CALN1: variants seen among roughly 807,000 people sequenced by gnomAD.
CALN1 encodes the protein calneuron 1.
Under a neutral mutation model 30.6 loss-of-function variants are expected in CALN1, and 17 were observed. The observed-to-expected ratio is 0.56, with a 90% CI of 0.38 to 0.83. The LOEUF is 0.83. Ranked by LOEUF, CALN1 falls within the 40% of genes least tolerant of loss-of-function variation. CALN1 has a pLI of 0.00. For synonymous variants in CALN1, 156 were observed against 131.4 expected, an observed-to-expected ratio of 1.19 and a Z score of -1.28; for missense variants, 291 against 354.9, an observed-to-expected ratio of 0.82 and a Z score of 1.45.
At chr7:72,183,801 G>C (rs1010309341) in intron 3 of CALN1, among the ~76,000 whole-genome samples, 2 of 152,090 alleles carry the variant, frequency 1.3e-5, no homozygotes, top group African/African-American at 2.4e-5. Flanking sequence ...AGTAAATTAT[G>C]AATGTCCAGT....
Position 71,787,667 on chromosome 7 carries a change from A to T in CALN1, c.*108T>A. On this transcript the variant is annotated 3_prime_UTR_variant, in exon 7 of 7. Coordinates refer to ENST00000395275, the MANE Select transcript of CALN1 (RefSeq NM_031468.4). ...TTTACTGAACGGTTCCATCGTCCGC[A>T]TCCATCCATAGTCCATAGGTCCGTG... 1 of 1,477,374 alleles carries T rather than the reference A, an allele frequency of 6.8e-7. No homozygotes were observed. The highest frequency in any genetic ancestry group is 2.4e-5 in the East Asian group (1 of 42,500). The allele number at this position is 1,477,374 out of a possible 1,614,324, so 91.5% of individuals were successfully genotyped here.
intron 2 of CALN1, among the ~76,000 whole-genome samples, chr7:72,293,814 C>T (rs943050503): frequency 6.6e-6 from 1 of 151,978 alleles, no homozygotes. Flanking sequence ...TACAGTTTAC[C>T]GGCCAGGCAC....
intron 2 of CALN1, among the ~76,000 whole-genome samples, chr7:72,379,482 T>C (rs558912744): frequency 6.6e-6 from 1 of 152,342 alleles, no homozygotes; most frequent in South Asian, 2.1e-4. Context: ...ACCAGAAAAG[T>C]CACTCAACCT....
intron 5 of CALN1, among the ~76,000 whole-genome samples, chr7:71,870,726 A>C (rs1791873645): frequency 6.6e-6 from 1 of 152,208 alleles, no homozygotes; most frequent in South Asian, 2.1e-4. Flanking sequence ...ACTGAGGAGG[A>C]AAATGGATCA....
At chr7:72,008,806 C>T (rs1049379594) in intron 5 of CALN1, among the ~76,000 whole-genome samples, 1 of 151,936 alleles carries the variant, frequency 6.6e-6, no homozygotes, top group African/African-American at 2.4e-5. Context: ...CAGGTGCCCG[C>T]CACCACGCCC....
intron 3 of CALN1, among the ~76,000 whole-genome samples, chr7:72,139,162 G>A (rs947816955): frequency 1.3e-5 from 2 of 152,144 alleles, no homozygotes; most frequent in Admixed American, 6.5e-5. Flanking sequence ...TCCACACCAG[G>A]CCAGAGCCCA....
chr7:71,959,364 G>T (rs1046989345), intron 5 of CALN1, among the ~76,000 whole-genome samples: 1 of 152,188 alleles, frequency 6.6e-6, no homozygotes, highest in Non-Finnish European at 1.5e-5. Context: ...CAGGATTGGA[G>T]AATCCAGACT....
intron 3 of CALN1, among the ~76,000 whole-genome samples, chr7:72,219,585 T>C (rs1793106868): frequency 6.6e-6 from 1 of 152,066 alleles, no homozygotes; most frequent in Admixed American, 6.6e-5. Context: ...AGGTGCAACA[T>C]GTAGTACTCC....
chr7:72,405,117 G>A (rs777615721), intron 1 of CALN1, among the ~76,000 whole-genome samples: 4 of 152,104 alleles, frequency 2.6e-5, no homozygotes, highest in Non-Finnish European at 4.4e-5. Context: ...GGAATGATGA[G>A]ATACGACAGG....
chr7:72,307,166 A>T (rs1799712125), intron 2 of CALN1, among the ~76,000 whole-genome samples: 2 of 152,136 alleles, frequency 1.3e-5, no homozygotes, highest in South Asian at 4.1e-4. Flanking sequence ...CTTTTAAGAG[A>T]TTCAAGCAGA....
rs577889894 is a variant in CALN1 at position 72,221,846 on chromosome 7, G to A, written c.244+56840C>T. Among the ~76,000 whole-genome samples, 4 of 151,856 alleles carry A rather than the reference G, an allele frequency of 2.6e-5. No individual in the cohort carries two copies. In the East Asian group the frequency reaches 7.9e-4, roughly 30 times the overall value. ...GGAGGTTGCAGTGAGCTGAGATCGT[G>A]CCACTGCACTCCAGCCTGGGTGACA... On this transcript the variant is annotated intron_variant, in intron 3 of 6. Coordinates refer to ENST00000395275, the MANE Select transcript of CALN1 (RefSeq NM_031468.4).
At chr7:72,028,514 A>C (rs1050373704) in intron 4 of CALN1, among the ~76,000 whole-genome samples, 3 of 152,210 alleles carry the variant, frequency 2.0e-5, no homozygotes, top group East Asian at 1.9e-4. Context: ...GCCAGAGAAG[A>C]AGCGATGGAG....
chr7:71,885,920 T>C (rs1356569521), intron 5 of CALN1, among the ~76,000 whole-genome samples: 1 of 152,178 alleles, frequency 6.6e-6, no homozygotes, highest in Non-Finnish European at 1.5e-5. Flanking sequence ...AAGTAACAAA[T>C]TCATTTCCGT....
At chr7:72,338,202 C>T (rs1422849065) in intron 2 of CALN1, among the ~76,000 whole-genome samples, 1 of 152,120 alleles carries the variant, frequency 6.6e-6, no homozygotes, top group Non-Finnish European at 1.5e-5. Flanking sequence ...ACAAACCTGG[C>T]CAAAGCAGGC....
intron 5 of CALN1, among the ~76,000 whole-genome samples, chr7:71,814,050 C>T (rs1024481443): frequency 1.3e-5 from 2 of 151,434 alleles, no homozygotes; most frequent in South Asian, 2.1e-4. Context: ...AGAGTAAGTA[C>T]AAGAATAGTG....
At chr7:71,925,142 G>A (rs1312660792) in intron 5 of CALN1, among the ~76,000 whole-genome samples, 1 of 152,132 alleles carries the variant, frequency 6.6e-6, no homozygotes, top group East Asian at 1.9e-4. Context: ...TCGGGAAGCT[G>A]AAGCAGGAGG....
chr7:71,840,476 T>C (rs1454408221), intron 5 of CALN1, among the ~76,000 whole-genome samples: 2 of 108,688 alleles, frequency 1.8e-5, no homozygotes, highest in Admixed American at 1.4e-4. Context: ...CACAGTAAGA[T>C]GCTCTCTTTA....
chr7:71,998,340 G>T (rs914169493), intron 5 of CALN1, among the ~76,000 whole-genome samples: 1 of 151,972 alleles, frequency 6.6e-6, no homozygotes, highest in Non-Finnish European at 1.5e-5. Context: ...AGCAATCTGG[G>T]TACATACAAT....
chr7:72,455,096 G>T, the CALN1 span, among the ~76,000 whole-genome samples: 1 of 152,076 alleles, frequency 6.6e-6, no homozygotes, highest in Non-Finnish European at 1.5e-5. Flanking sequence ...CTCCCAAAGT[G>T]CTGGGATTAT....
Sources: gnomAD v4.1 joint callset for allele counts (sites outside exome capture counted in the v4.1 genomes callset) on GRCh38, gnomAD v4.1.1 for gene constraint, MANE v1.5 for transcripts, NCBI Gene and HGNC (gene_info 2026-07-23, HGNC 2026-07-21) for gene names.